Variants in CDH13 observed in about 807,000 individuals in gnomAD.
The protein encoded by CDH13 is cadherin-13.
CDH13 carries 24 observed loss-of-function variants against 63.8 expected under a neutral mutation model. The observed-to-expected ratio is 0.38, with a 90% CI of 0.27 to 0.53. The LOEUF is 0.53. Ranked by LOEUF, CDH13 falls within the 20% of genes least tolerant of loss-of-function variation. The pLI is 0.85. For missense variants in CDH13, 1,049 were observed against 903.1 expected (o/e 1.16, Z -2.07); for synonymous variants, 503 against 355.3 (o/e 1.42, Z -4.67).
At chr16:82,711,405 G>C (rs912018772) in intron 1 of CDH13, among the ~76,000 whole-genome samples, 1 of 152,102 alleles carries the variant, frequency 6.6e-6, no homozygotes, top group African/African-American at 2.4e-5. Flanking sequence ...TCTGGAATGG[G>C]GAGGATGCAA....
At chr16:82,751,280 T>C (rs1009220299) in intron 1 of CDH13, among the ~76,000 whole-genome samples, 1 of 152,194 alleles carries the variant, frequency 6.6e-6, no homozygotes, top group Non-Finnish European at 1.5e-5. Context: ...GAGTTAATGC[T>C]CTGTCATCAC....
At chr16:82,814,576 A>G (rs975225462) in intron 1 of CDH13, among the ~76,000 whole-genome samples, 1 of 152,194 alleles carries the variant, frequency 6.6e-6, no homozygotes, top group African/African-American at 2.4e-5. Flanking sequence ...CACAGAGGGC[A>G]TGGAAGCTCT....
chr16:83,385,295 C>G (rs1330071512), intron 6 of CDH13, among the ~76,000 whole-genome samples: 4 of 152,126 alleles, frequency 2.6e-5, no homozygotes, highest in African/African-American at 9.7e-5. Context: ...AAACTGTATG[C>G]CTCATTAGGC....
chr16:82,753,811 C>G (rs1268477671), intron 1 of CDH13, among the ~76,000 whole-genome samples: 1 of 152,174 alleles, frequency 6.6e-6, no homozygotes, highest in African/African-American at 2.4e-5. Flanking sequence ...AGAAGCTGTC[C>G]AAACATCAAG....
intron 5 of CDH13, among the ~76,000 whole-genome samples, chr16:83,244,477 G>A (rs1413152644): frequency 1.3e-5 from 2 of 152,144 alleles, no homozygotes; most frequent in African/African-American, 4.8e-5. Flanking sequence ...ACTGTGCTCG[G>A]TGTTTAACAT....
At chr16:83,189,031 C>T (rs2038614914) in intron 4 of CDH13, among the ~76,000 whole-genome samples, 1 of 152,160 alleles carries the variant, frequency 6.6e-6, no homozygotes, top group African/African-American at 2.4e-5. Flanking sequence ...GTAATATGGG[C>T]ATGGTGCATT....
chr16:83,166,566 CA>C (rs2037681353), intron 4 of CDH13, among the ~76,000 whole-genome samples: 1 of 152,096 alleles, frequency 6.6e-6, no homozygotes, highest in South Asian at 2.1e-4. Context: ...CTTCCATTGA[CA>C]TGCCATTTGA....
At chr16:82,642,091 C>CA (rs373359175) in intron 1 of CDH13, among the ~76,000 whole-genome samples, 49,107 of 110,396 alleles carry the variant, frequency 0.44, 11,088 homozygotes, top group Admixed American at 0.59. Flanking sequence ...TCATGGAGGG[C>CA]AAAAAAAAAA....
intron 7 of CDH13, among the ~76,000 whole-genome samples, chr16:83,561,102 T>C (rs2075698623): frequency 6.6e-6 from 1 of 152,158 alleles, no homozygotes; most frequent in African/African-American, 2.4e-5. Flanking sequence ...TGGATGTTGT[T>C]CTTTTCTTCC....
intron 6 of CDH13, among the ~76,000 whole-genome samples, chr16:83,419,203 T>C (rs183639214): frequency 2.2e-4 from 34 of 152,316 alleles, no homozygotes; most frequent in Admixed American, 2.2e-3. Context: ...CCCCTGCCTC[T>C]GTAACCAGAT....
chr16:82,831,207 A>G (rs542249492), intron 1 of CDH13, among the ~76,000 whole-genome samples: 1 of 152,288 alleles, frequency 6.6e-6, no homozygotes, highest in South Asian at 2.1e-4. Context: ...TTTGAGAAGC[A>G]TTAATCCAGG....
At chr16:83,338,705 G>A (rs1354381033) in intron 5 of CDH13, among the ~76,000 whole-genome samples, 11 of 152,332 alleles carry the variant, frequency 7.2e-5, no homozygotes, top group South Asian at 4.1e-4. Context: ...GCAAGGAAGC[G>A]TAGGTAGGAA....
intron 4 of CDH13, 106 bp from the exon 5 acceptor site, chr16:83,217,239 T>A: frequency 1.8e-6 from 2 of 1,083,914 alleles, no homozygotes; most frequent in East Asian, 2.4e-5. Flanking sequence ...CAGGTACCCA[T>A]GTGCTGGCAC....
chr16:83,586,161 C>A (rs1432417203), intron 7 of CDH13, among the ~76,000 whole-genome samples: 2 of 152,152 alleles, frequency 1.3e-5, no homozygotes, highest in Non-Finnish European at 1.5e-5. Flanking sequence ...AACTGGCAAG[C>A]GATGACCACC....
intron 1 of CDH13, among the ~76,000 whole-genome samples, chr16:82,776,185 G>C (rs569225988): frequency 2.0e-4 from 31 of 151,244 alleles, no homozygotes; most frequent in Admixed American, 3.3e-4. Context: ...ATTCCAGCTT[G>C]GGTAACAGAG....
chr16:82,710,876 T>C (rs1293968526), intron 1 of CDH13, among the ~76,000 whole-genome samples: 1 of 151,458 alleles, frequency 6.6e-6, no homozygotes, highest in Non-Finnish European at 1.5e-5. Context: ...AAACAGCCCA[T>C]TATAAGCATA....
intron 1 of CDH13, among the ~76,000 whole-genome samples, chr16:82,684,420 C>G (rs1454890756): frequency 2.6e-5 from 4 of 152,028 alleles, no homozygotes; most frequent in African/African-American, 9.7e-5. Context: ...GAAGAGGATG[C>G]CTAGATGTCT....
At chr16:83,249,272 C>G (rs991520539) in intron 5 of CDH13, among the ~76,000 whole-genome samples, 2 of 152,210 alleles carry the variant, frequency 1.3e-5, no homozygotes, top group Non-Finnish European at 2.9e-5. Flanking sequence ...CTCATACCAG[C>G]TTTCGTGAGA....
chr16:82,740,093 C>T (rs2033861776), intron 1 of CDH13, among the ~76,000 whole-genome samples: 1 of 152,136 alleles, frequency 6.6e-6, no homozygotes, highest in Non-Finnish European at 1.5e-5. Flanking sequence ...AACCTCCGTG[C>T]CACTCAACAG....
Sources: gnomAD v4.1 joint callset for allele counts (sites outside exome capture counted in the v4.1 genomes callset) on GRCh38, gnomAD v4.1.1 for gene constraint, MANE v1.5 for transcripts, NCBI Gene and HGNC (gene_info 2026-07-23, HGNC 2026-07-21) for gene names.